CCT8: variants seen among roughly 807,000 people sequenced by gnomAD.
The protein encoded by CCT8 is chaperonin containing TCP1 subunit 8, also known as T-complex protein 1 subunit theta.
CCT8 carries 10 observed loss-of-function variants against 65.7 expected under a neutral mutation model. The observed-to-expected ratio is 0.15, with a 90% CI of 0.09 to 0.26. The LOEUF is 0.26. CCT8 is among the 10% of genes least tolerant of loss of function. The pLI, the probability that CCT8 is intolerant of heterozygous loss-of-function variation, is 1.00. For missense variants in CCT8, 568 were observed against 669.1 expected (o/e 0.85, Z 1.67); for synonymous variants, 199 against 221.8 (o/e 0.90, Z 0.92).
intron 13 of CCT8, among the ~76,000 whole-genome samples, chr21:29,060,964 T>C (rs188811681): frequency 1.6e-4 from 25 of 152,360 alleles, no homozygotes; most frequent in African/African-American, 4.8e-5. Flanking sequence ...ATAGTTGTTA[T>C]AGTGTATTTT....
In CCT8 at chr21:29,060,588, T is replaced by C; in HGVS notation, c.1522A>G (p.Ile508Val). 5.0e-6 allele frequency: 8 copies of C among 1,613,912 alleles called. No individual in the cohort carries two copies. In the South Asian group the frequency reaches 6.6e-5, roughly 13 times the overall value. The change falls in exon 14 of 15, where the codon ATC (isoleucine) becomes GTC (valine). Residue 508 changes from isoleucine to valine, a missense_variant. By Grantham distance (29) the Ile-to-Val change is conservative. Transcript: ENST00000286788. The stretch of plus-strand genomic sequence containing the variant: ...ACTGCAGCATTAGTAGCGAGTTTGA[T>C]AGCCCAATATTTTCCCAGGTAAGTA... ...LDTYLGKYWA[I>V]KLATNAAVTV...
In CCT8 at chr21:29,065,050, G is replaced by T; in HGVS notation, c.680C>A (p.Thr227Asn). Residue 227 changes from threonine to asparagine, a missense_variant, in exon 7 of 15, where the codon ACC (threonine) becomes AAC (asparagine). By Grantham distance (65) the Thr-to-Asn change is moderately conservative (BLOSUM62 0). Transcript: ENST00000286788. ...VLHGMVFKKE[T>N]EGDVTSVKDA... The stretch of plus-strand genomic sequence containing the variant: ...TTTGACAGATGTTACATCACCTTCG[G>T]TTTCCTTCTTAAAAACCATGCCATG... 1 of 1,613,794 alleles carries T rather than the reference G, an allele frequency of 6.2e-7. No homozygotes were observed. Among genetic ancestry groups the T allele is most frequent in the Non-Finnish European group, 8.5e-7 (1 of 1,179,792 alleles).
intron 6 of CCT8, 151 bp from the exon 7 acceptor site, chr21:29,065,256 C>G (rs1419238944): frequency 1.4e-6 from 1 of 726,130 alleles, no homozygotes; most frequent in Non-Finnish European, 2.3e-6. Flanking sequence ...GAGTGGTGGA[C>G]ATACAGCACA....
rs1037842760 is a variant in CCT8, at chr21:29,069,246, G to A, written c.231+177C>T. ...CTTGAGAGATTTTTAAGATTTCAGT[G>A]GCTAAAACATTCAATCTAAAGAGGA... On this transcript the variant is annotated intron_variant, in intron 3 of 14. Transcript: ENST00000286788. Among the ~76,000 whole-genome samples, 8 of 152,108 alleles carry A rather than the reference G, an allele frequency of 5.3e-5. No individual in the cohort carries two copies. The South Asian group carries it at 1.7e-3, about 32-fold the overall frequency.
intron 1 of CCT8, chr21:29,073,298 G>A (rs1032426496): frequency 7.1e-7 from 1 of 1,403,390 alleles, no homozygotes; most frequent in Non-Finnish European, 9.3e-7. Context: ...GGTGTACAAT[G>A]TCGATCGTGC....
intron 13 of CCT8, 110 bp downstream of exon 13, chr21:29,061,143 C>T: frequency 1.1e-6 from 1 of 873,684 alleles, no homozygotes; most frequent in Non-Finnish European, 1.8e-6. Flanking sequence ...AAATAATCTG[C>T]TCCCAAATCA....
At chr21:29,061,174 A>G (rs2085558783) in intron 13 of CCT8, 79 bp downstream of exon 13, 1 of 1,134,196 alleles carries the variant, frequency 8.8e-7, no homozygotes, top group Non-Finnish European at 1.3e-6. Flanking sequence ...TCTCATTGAT[A>G]TTTCTTTTAA....
intron 7 of CCT8, among the ~76,000 whole-genome samples, chr21:29,064,409 TAAAAAAAAAAAAAAAAA>T (rs34760776): frequency 3.7e-5 from 1 of 26,714 alleles, no homozygotes. Context: ...AGCAAGACTC[TAAAAAAAAAAAAAAAAA>T]AAAAAAAAAA....
chr21:29,062,305 C>T (rs138368687), intron 10 of CCT8, 23 bp downstream of exon 10: 201 of 1,607,252 alleles, frequency 1.3e-4, no homozygotes, highest in Middle Eastern at 3.3e-4. Context: ...TACACTTAAA[C>T]ATGTTTTACC....
At chr21:29,057,121 C>T (rs1016488674) in intron 14 of CCT8, among the ~76,000 whole-genome samples, 1 of 149,806 alleles carries the variant, frequency 6.7e-6, no homozygotes, top group Non-Finnish European at 1.5e-5. Context: ...AAAAAAAAAG[C>T]GCCACAAACC....
At chr21:29,061,225 A>C in intron 13 of CCT8, 28 bp downstream of exon 13, 5 of 1,565,996 alleles carry the variant, frequency 3.2e-6, no homozygotes, top group Non-Finnish European at 4.4e-6. Context: ...CAAATAAAGC[A>C]ATTTAAGTTC....
rs1236108942 is a variant in CCT8, at chr21:29,068,385, C to T, written c.232-680G>A. 2.6e-5 allele frequency among the ~76,000 whole-genome samples: 4 copies of T among 151,972 alleles called. 1 individual carries two copies. In the South Asian group the frequency reaches 6.2e-4, roughly 24 times the overall value. On this transcript the variant is annotated intron_variant, in intron 3 of 14. Transcript: ENST00000286788. ...AACATTAACATTCACAGTGACAAAC[C>T]CTTGTACAAGTGTTTTGTGGAGTTA...
Position 29,066,656 on chromosome 21 carries a change from C to CA in CCT8, c.624+59dup, listed in dbSNP as rs1218457543. On this transcript the variant is annotated intron_variant, in intron 6 of 14. Transcript: ENST00000286788. ...ATTTTTTTTTTTTTGCACAAAAAAA[C>CA]AAAAAAAGCACACAAAAAAACTGAC... is the stretch of plus-strand genomic sequence containing the variant. 4.2e-5 allele frequency: 42 copies of CA among 991,998 alleles called. No individual in the cohort carries two copies. The African/African-American group carries it at 4.9e-4, about 12-fold the overall frequency. The allele number at this position is 991,998 out of a possible 1,614,324, so 61.4% of individuals were successfully genotyped here. A position where few individuals can be genotyped will look rare whatever the true frequency, so the allele number is the denominator to read the frequency against.
At position 29,061,292 on chromosome 21, in the gene CCT8, T is replaced by C. The variant is rs755122723; in HGVS notation, c.1410A>G (p.Val470=). ...CAACGTTTTTATTTCCTTCTTGATG[T>C]ACTGCATAAAGTTTAGAGATTACTT... ...ANEVISKLYA[V]HQEGNKNVGL... Residue 470 remains valine, a synonymous_variant, in exon 13 of 15, where the codon GTA becomes GTG. Transcript: ENST00000286788. 1 of 1,613,988 alleles carries C rather than the reference T, an allele frequency of 6.2e-7. No homozygotes were observed. The highest frequency in any genetic ancestry group is 8.5e-7 in the Non-Finnish European group (1 of 1,179,812).
intron 2 of CCT8, 117 bp downstream of exon 2, chr21:29,070,130 G>C: frequency 3.7e-6 from 2 of 537,194 alleles, no homozygotes; most frequent in Non-Finnish European, 6.4e-6. Context: ...AACTATCATT[G>C]AGCTATCAAA....
At chr21:29,062,979 A>G in intron 8 of CCT8, 1 of 313,826 alleles carries the variant, frequency 3.2e-6, no homozygotes. Context: ...GGATGGTGGT[A>G]GGTAGAAATG....
chr21:29,070,528 C>T (rs2085669606), intron 1 of CCT8, among the ~76,000 whole-genome samples, 191 bp from the exon 2 acceptor site: 1 of 152,150 alleles, frequency 6.6e-6, no homozygotes, highest in Non-Finnish European at 1.5e-5. Flanking sequence ...ATTTTCTTAA[C>T]ATTTCTTCAT....
At chr21:29,070,947 T>C (rs2085673605) in intron 1 of CCT8, among the ~76,000 whole-genome samples, 1 of 152,206 alleles carries the variant, frequency 6.6e-6, no homozygotes, top group Non-Finnish European at 1.5e-5. Context: ...GACTGAATAC[T>C]TTTTTTGAAT....
chr21:29,057,456 C>T (rs1311893780), intron 14 of CCT8, among the ~76,000 whole-genome samples: 1 of 151,638 alleles, frequency 6.6e-6, no homozygotes, highest in African/African-American at 2.4e-5. Flanking sequence ...TGAGCCACTG[C>T]GCTCGGCTGG....
Sources: gnomAD v4.1 joint callset for allele counts (sites outside exome capture counted in the v4.1 genomes callset) on GRCh38, gnomAD v4.1.1 for gene constraint, MANE v1.5 for transcripts, NCBI Gene and HGNC (gene_info 2026-07-23, HGNC 2026-07-21) for gene names.